The following GALNT13 variants were observed in gnomAD, a reference collection of about 807,000 sequenced individuals.
GALNT13 encodes the protein UDP-GalNAc:polypeptide N-acetylgalactosaminyltransferase 13.
Under a neutral mutation model 64.2 loss-of-function variants are expected in GALNT13, and 28 were observed. The ratio of observed to expected loss-of-function variants is 0.44; its 90% CI spans 0.32 to 0.60. The LOEUF (loss-of-function observed/expected upper bound fraction) is 0.60. Among genes scored for constraint, GALNT13 ranks in the 20% least tolerant of loss-of-function variants. The probability of loss-of-function intolerance (pLI) is 0.05; values close to 1 mark genes in which losing one functional copy is unlikely to be tolerated. For missense variants in GALNT13, 577 were observed against 669.8 expected (o/e 0.86, Z 1.53); for synonymous variants, 214 against 224.6 (o/e 0.95, Z 0.42).
chr2:154,121,407 C>G (rs1681934993), intron 3 of GALNT13, among the ~76,000 whole-genome samples: 1 of 152,080 alleles, frequency 6.6e-6, no homozygotes, highest in Non-Finnish European at 1.5e-5. Context: ...ATTTATAGAT[C>G]AAGTTGGGAG....
chr2:153,646,335 G>A, the GALNT13 span, among the ~76,000 whole-genome samples: 1 of 151,756 alleles, frequency 6.6e-6, no homozygotes, highest in African/African-American at 2.4e-5. Flanking sequence ...ATCTGTATCT[G>A]CATTTTTATT....
At chr2:154,285,650 T>G (rs949432842) in intron 8 of GALNT13, among the ~76,000 whole-genome samples, 3 of 152,190 alleles carry the variant, frequency 2.0e-5, no homozygotes, top group Non-Finnish European at 4.4e-5. Context: ...TCAGGAAATG[T>G]GATGCTCAAG....
chr2:153,519,961 A>G, the GALNT13 span, among the ~76,000 whole-genome samples: 1 of 152,140 alleles, frequency 6.6e-6, no homozygotes, highest in Non-Finnish European at 1.5e-5. Flanking sequence ...TCGTTTTCTT[A>G]GAGTCTGACT....
the GALNT13 span, among the ~76,000 whole-genome samples, chr2:153,082,608 TATATATATATACAC>T: frequency 3.8e-4 from 17 of 44,928 alleles, no homozygotes; most frequent in East Asian, 1.3e-3. Context: ...TATATATATA[TATATATATATACAC>T]ACACACACAC....
At chr2:153,298,460 A>G in the GALNT13 span, among the ~76,000 whole-genome samples, 1 of 152,210 alleles carries the variant, frequency 6.6e-6, no homozygotes, top group Non-Finnish European at 1.5e-5. Context: ...ACCCAAGTGC[A>G]GCAAATACTA....
chr2:153,226,032 C>T, the GALNT13 span, among the ~76,000 whole-genome samples: 1 of 151,996 alleles, frequency 6.6e-6, no homozygotes, highest in African/African-American at 2.4e-5. Flanking sequence ...CTCCCAGGTT[C>T]AAGCACTTCT....
chr2:153,242,154 T>C, the GALNT13 span, among the ~76,000 whole-genome samples: 52,504 of 152,066 alleles, frequency 0.35, 9,289 homozygotes, highest in Middle Eastern at 0.51. Flanking sequence ...CAATAGAAAC[T>C]GCTCAATGCT....
the GALNT13 span, among the ~76,000 whole-genome samples, chr2:153,737,581 A>T: frequency 6.6e-6 from 1 of 152,088 alleles, no homozygotes; most frequent in Non-Finnish European, 1.5e-5. Context: ...CTATTTTTAA[A>T]AACTTAGGAA....
chr2:153,415,341 G>A, the GALNT13 span, among the ~76,000 whole-genome samples: 1 of 152,132 alleles, frequency 6.6e-6, no homozygotes, highest in Non-Finnish European at 1.5e-5. Flanking sequence ...TGTCATCCAA[G>A]CCTGAACCAC....
intron 2 of GALNT13, among the ~76,000 whole-genome samples, chr2:153,924,222 C>G (rs1326497602): frequency 6.6e-6 from 1 of 150,892 alleles, no homozygotes; most frequent in Non-Finnish European, 1.5e-5. Context: ...CACCCCCACC[C>G]TCAGATAGTC....
chr2:153,390,776 A>T, the GALNT13 span, among the ~76,000 whole-genome samples: 1 of 152,092 alleles, frequency 6.6e-6, no homozygotes, highest in African/African-American at 2.4e-5. Flanking sequence ...ACCACTTACG[A>T]TTCCCGGCAG....
At chr2:153,676,473 C>CA in the GALNT13 span, among the ~76,000 whole-genome samples, 1 of 151,980 alleles carries the variant, frequency 6.6e-6, no homozygotes, top group East Asian at 1.9e-4. Flanking sequence ...GAAAGCATTC[C>CA]AAAAAATTGA....
At chr2:153,359,629 G>GAA in the GALNT13 span, among the ~76,000 whole-genome samples, 49 of 8,948 alleles carry the variant, frequency 5.5e-3, no homozygotes, top group Admixed American at 8.7e-3. Flanking sequence ...CCAGCTTTCA[G>GAA]CAAAAAAAAA....
the GALNT13 span, among the ~76,000 whole-genome samples, chr2:153,694,922 G>T: frequency 6.6e-6 from 1 of 152,242 alleles, no homozygotes; most frequent in African/African-American, 2.4e-5. Context: ...TCAATGAATT[G>T]CTAGGATAAT....
chr2:153,362,280 A>C, the GALNT13 span, among the ~76,000 whole-genome samples: 1 of 152,150 alleles, frequency 6.6e-6, no homozygotes, highest in Non-Finnish European at 1.5e-5. Flanking sequence ...CAAAATAAAA[A>C]GACCAATGAC....
chr2:153,208,657 GTA>G, the GALNT13 span, among the ~76,000 whole-genome samples: 1 of 152,048 alleles, frequency 6.6e-6, no homozygotes, highest in African/African-American at 2.4e-5. Flanking sequence ...TTTCTCTTAA[GTA>G]TATACCTAAG....
At chr2:153,904,489 G>C (rs1688431339) in intron 2 of GALNT13, among the ~76,000 whole-genome samples, 1 of 151,754 alleles carries the variant, frequency 6.6e-6, no homozygotes, top group African/African-American at 2.4e-5. Context: ...CCAAAGATTA[G>C]TATAATCATT....
the GALNT13 span, among the ~76,000 whole-genome samples, chr2:153,082,660 C>CACACAT: frequency 9.8e-3 from 876 of 89,738 alleles, 67 homozygotes; most frequent in Non-Finnish European, 0.012. Context: ...CACACACACA[C>CACACAT]ACACATATAT....
chr2:153,739,068 A>G, the GALNT13 span, among the ~76,000 whole-genome samples: 1 of 151,962 alleles, frequency 6.6e-6, no homozygotes, highest in Non-Finnish European at 1.5e-5. Context: ...AATTGAATGT[A>G]ATAGTACATT....
Sources: gnomAD v4.1 joint callset for allele counts (sites outside exome capture counted in the v4.1 genomes callset) on GRCh38, gnomAD v4.1.1 for gene constraint, MANE v1.5 for transcripts, NCBI Gene and HGNC (gene_info 2026-07-23, HGNC 2026-07-21) for gene names.